TNNT3: variants seen among roughly 807,000 people sequenced by gnomAD.
TNNT3 encodes the protein troponin T, fast skeletal muscle.
In TNNT3, 36 loss-of-function variants were observed where a neutral mutation model predicts 54.2. The observed-to-expected ratio is 0.66, with a 90% CI of 0.51 to 0.88. The LOEUF (loss-of-function observed/expected upper bound fraction) is 0.88. Ranked by LOEUF, TNNT3 falls within the 40% of genes least tolerant of loss-of-function variation. The pLI is 0.00. For missense variants in TNNT3, 291 were observed against 331.6 expected, an observed-to-expected ratio of 0.88 and a Z score of 0.95; for synonymous variants, 120 against 109.7, an observed-to-expected ratio of 1.09 and a Z score of -0.59.
At chr11:1,936,661 C>T (rs949325130) in intron 14 of TNNT3, among the ~76,000 whole-genome samples, 1 of 152,140 alleles carries the variant, frequency 6.6e-6, no homozygotes, top group African/African-American at 2.4e-5. Context: ...GTGCTCCGTA[C>T]CCCCCGCCCC....
chr11:1,920,792 G>A (rs1001128375), intron 1 of TNNT3, among the ~76,000 whole-genome samples: 19 of 152,252 alleles, frequency 1.2e-4, no homozygotes, highest in South Asian at 8.3e-4. Flanking sequence ...CTCAGCTGTT[G>A]AAATGCCATC....
At chr11:1,937,664 G>A (rs552630567) in intron 15 of TNNT3, among the ~76,000 whole-genome samples, 1 of 152,310 alleles carries the variant, frequency 6.6e-6, no homozygotes, top group Non-Finnish European at 1.5e-5. Context: ...GGGGCTACTT[G>A]GAGTTTCGAT....
intron 3 of TNNT3, 99 bp from the exon 4 acceptor site, chr11:1,923,456 C>A: frequency 7.4e-7 from 1 of 1,342,460 alleles, no homozygotes; most frequent in Non-Finnish European, 1.1e-6. Context: ...CAGTCGCTGG[C>A]CTGTCCAGGG....
Position 1,938,506 on chromosome 11 carries a change from G to GC in TNNT3, c.*18dup, listed in dbSNP as rs764375522. 1.9e-6 allele frequency: 3 copies of GC among 1,612,902 alleles called. No individual in the cohort carries two copies. In the East Asian group the frequency reaches 6.7e-5, roughly 36 times the overall value. On this transcript the variant is annotated 3_prime_UTR_variant, in exon 16 of 16. Coordinates refer to ENST00000278317, the MANE Select transcript of TNNT3 (RefSeq NM_006757.4). ...CGCTGGAAGTAGAGAGGCCAGAAAG[G>GC]CCCCTCGAGGCAGAGACCCTCCGCC...
In TNNT3 at chr11:1,922,246, G is replaced by C. The variant is rs536230768; in HGVS notation, c.-18-611G>C. On this transcript the variant is annotated intron_variant, in intron 1 of 15. Transcript: ENST00000278317. ...GAGGAGGGGTCCTCAGAGGGGTGTG[G>C]TGGGACACACTCTGGGCACCCCATA... Among the ~76,000 whole-genome samples, 6 of 152,308 alleles carry C rather than the reference G, an allele frequency of 3.9e-5. No homozygotes were observed. The East Asian group carries it at 1.2e-3, about 29-fold the overall frequency.
At chr11:1,932,872 C>CCATCCATG (rs1325106272) in intron 9 of TNNT3, among the ~76,000 whole-genome samples, 5 of 149,760 alleles carry the variant, frequency 3.3e-5, no homozygotes, top group Non-Finnish European at 7.4e-5. Context: ...ATCCATCCAT[C>CCATCCATG]CTGCCTTACT....
At chr11:1,936,399 G>A (rs974188396) in intron 14 of TNNT3, 44 of 932,442 alleles carry the variant, frequency 4.7e-5, no homozygotes, top group Non-Finnish European at 5.8e-5. Context: ...CTCTCCCCTC[G>A]TGCCTGCAGC....
chr11:1,929,960 C>T (rs1202376914), intron 8 of TNNT3, 132 bp downstream of exon 8: 3 of 1,249,204 alleles, frequency 2.4e-6, no homozygotes, highest in Non-Finnish European at 3.4e-6. Context: ...AGTGTGGGGT[C>T]CTGGCAGGCC....
chr11:1,929,182 G>A (rs1331462933), intron 7 of TNNT3, 39 bp downstream of exon 7: 1 of 1,610,014 alleles, frequency 6.2e-7, no homozygotes, highest in South Asian at 1.1e-5. Context: ...GCAGGACCCT[G>A]GCTCTAGCCG....
At chr11:1,920,708 G>A (rs1368983087) in intron 1 of TNNT3, among the ~76,000 whole-genome samples, 2 of 152,120 alleles carry the variant, frequency 1.3e-5, no homozygotes, top group East Asian at 1.9e-4. Context: ...ATACGTGCCC[G>A]AAGAAACTGA....
chr11:1,925,346 G>A (rs1268274419), intron 5 of TNNT3: 3 of 1,516,244 alleles, frequency 2.0e-6, no homozygotes, highest in African/African-American at 1.4e-5. Flanking sequence ...GTGGGGGTGG[G>A]GGAGAGGGGG....
At chr11:1,938,373 G>T (rs1366338345) in intron 15 of TNNT3, 65 bp from the exon 16 acceptor site, 2 of 1,573,454 alleles carry the variant, frequency 1.3e-6, no homozygotes, top group South Asian at 1.1e-5. Flanking sequence ...CGCCCAGGGT[G>T]GGGGACCAGG....
chr11:1,936,664 C>T (rs898827766), intron 14 of TNNT3, among the ~76,000 whole-genome samples: 1 of 152,238 alleles, frequency 6.6e-6, no homozygotes, highest in Non-Finnish European at 1.5e-5. Flanking sequence ...CTCCGTACCC[C>T]CCGCCCCACA....
At chr11:1,923,409 G>A (rs1589884262) in intron 3 of TNNT3, 146 bp from the exon 4 acceptor site, 1 of 908,410 alleles carries the variant, frequency 1.1e-6, no homozygotes, top group East Asian at 2.4e-5. Flanking sequence ...CCTCCTCAGG[G>A]CCCGAGGACC....
At position 1,934,324 on chromosome 11, in the gene TNNT3, C is replaced by A; in HGVS notation, c.367-8C>A. 3 of 1,611,792 alleles carry A rather than the reference C, an allele frequency of 1.9e-6. No homozygotes were observed. Among genetic ancestry groups the A allele is most frequent in the Non-Finnish European group, 2.5e-6 (3 of 1,178,286 alleles). On this transcript the variant is annotated splice_polypyrimidine_tract_variant and splice_region_variant and intron_variant, in intron 11 of 15. Coordinates refer to ENST00000278317, the MANE Select transcript of TNNT3 (RefSeq NM_006757.4). ...TCCCTGAGCATCTTGGGAATGGGGT[C>A]TCCACAGGAGGAAAAGGCCAGAAGG...
chr11:1,924,853 C>T lies in TNNT3; in HGVS notation c.50-246C>T, dbSNP rs538990828. 8 of 622,128 alleles carry T rather than the reference C, an allele frequency of 1.3e-5. No homozygotes were observed. In the East Asian group the frequency reaches 2.2e-4, roughly 17 times the overall value. The allele number at this position is 622,128 out of a possible 1,614,324, so 38.5% of individuals were successfully genotyped here. ...GGGTGGGAGGGGCCTCAGAACCCCT[C>T]TCAGGGGCCGGGCCCAGCCCAGCTG... On this transcript the variant is annotated intron_variant, in intron 4 of 15. Coordinates refer to ENST00000278317, the MANE Select transcript of TNNT3 (RefSeq NM_006757.4).
chr11:1,933,498 G>C (rs1233008832), intron 9 of TNNT3, among the ~76,000 whole-genome samples: 1 of 152,250 alleles, frequency 6.6e-6, no homozygotes, highest in African/African-American at 2.4e-5. Flanking sequence ...CATCCCTGCT[G>C]TGTGGCTCAG....
chr11:1,925,314 C>A lies in TNNT3; in HGVS notation c.67+198C>A, dbSNP rs774627766. 2.5e-6 allele frequency: 4 copies of A among 1,570,938 alleles called. No individual in the cohort carries two copies. The South Asian group carries it at 4.7e-5, about 18-fold the overall frequency. ...AGGACTTCTTGTCCCCATGTGGGGC[C>A]CGGGGCCTGGCTGGAGCCCATGTGG... On this transcript the variant is annotated intron_variant, in intron 5 of 15. Transcript: ENST00000278317.
At chr11:1,936,114 T>G in intron 14 of TNNT3, 1 of 1,393,610 alleles carries the variant, frequency 7.2e-7, no homozygotes, top group South Asian at 1.2e-5. Flanking sequence ...CCCCAGGGGC[T>G]CCAGAGCCTG....
Sources: gnomAD v4.1 joint callset for allele counts (sites outside exome capture counted in the v4.1 genomes callset) on GRCh38, gnomAD v4.1.1 for gene constraint, MANE v1.5 for transcripts, NCBI Gene and HGNC (gene_info 2026-07-23, HGNC 2026-07-21) for gene names.